The following POM121C variants were observed in gnomAD, a reference collection of about 807,000 sequenced individuals.
POM121C encodes the protein POM121 transmembrane nucleoporin C.
In POM121C, 20 loss-of-function variants were observed where a neutral mutation model predicts 66.4. That is an observed-to-expected ratio of 0.30 (90% CI 0.21 to 0.44). The LOEUF is 0.44. Among genes scored for constraint, POM121C ranks in the 20% least tolerant of loss-of-function variants. The pLI is 1.00. For missense variants in POM121C, 580 were observed against 1,225.7 expected (o/e 0.47, Z 7.87); for synonymous variants, 286 against 528.0 (o/e 0.54, Z 6.28).
At chr7:75,463,049 G>A (rs1476071196) in intron 3 of POM121C, among the ~76,000 whole-genome samples, 1 of 152,138 alleles carries the variant, frequency 6.6e-6, no homozygotes, top group Non-Finnish European at 1.5e-5. Flanking sequence ...TGGGCCGGGT[G>A]CGGTGGCTCA....
At chr7:75,471,699 A>G (rs1791885004) in intron 3 of POM121C, among the ~76,000 whole-genome samples, 1 of 152,026 alleles carries the variant, frequency 6.6e-6, no homozygotes, top group African/African-American at 2.4e-5. Flanking sequence ...GTAAGTAGGG[A>G]TGAAGATGGC....
intron 7 of POM121C, among the ~76,000 whole-genome samples, chr7:75,436,469 T>C (rs1254783532): frequency 6.6e-5 from 10 of 152,234 alleles, no homozygotes; most frequent in Non-Finnish European, 1.2e-4. Flanking sequence ...TAACTAGATA[T>C]TAAATAATAT....
intron 3 of POM121C, among the ~76,000 whole-genome samples, chr7:75,467,682 A>C (rs1791707241): frequency 6.6e-6 from 1 of 152,152 alleles, no homozygotes; most frequent in Non-Finnish European, 1.5e-5. Flanking sequence ...CACTTTATTC[A>C]AATACACATT....
chr7:75,480,467 CA>C (rs1554479958), intron 1 of POM121C, among the ~76,000 whole-genome samples: 1 of 151,920 alleles, frequency 6.6e-6, no homozygotes, highest in Non-Finnish European at 1.5e-5. Flanking sequence ...TACACCTGAA[CA>C]ACACAACCAA....
intron 3 of POM121C, among the ~76,000 whole-genome samples, chr7:75,452,819 C>A (rs1205818889): frequency 6.6e-6 from 1 of 152,218 alleles, no homozygotes; most frequent in Non-Finnish European, 1.5e-5. Context: ...CTCATCTCTT[C>A]ACCCTCTTCC....
chr7:75,421,636 A>C lies in POM121C; in HGVS notation c.2616T>G (p.Ser872Arg), dbSNP rs1554470655. Residue 872 changes from serine to arginine, a missense_variant, in exon 13 of 15, where the codon AGT (serine) becomes AGG (arginine). By Grantham distance (110) the Ser-to-Arg change is moderately radical (BLOSUM62 -1). Coordinates refer to ENST00000615331, the MANE Select transcript of POM121C (RefSeq NM_001099415.3). ...TGAFSFGAGQ[S>R]GSTATSTPFT... ...AGGGGGTGGAGGTGGCTGTGCTCCC[A>C]CTCTGTCCTGCTCCAAAGCTGAAAG... 6.2e-7 allele frequency: 1 copy of C among 1,613,254 alleles called. No homozygotes were observed. The highest frequency in any genetic ancestry group is 8.5e-7 in the Non-Finnish European group (1 of 1,179,746).
At chr7:75,424,657 C>T in intron 10 of POM121C, 29 bp from the exon 11 acceptor site, 3 of 1,612,796 alleles carry the variant, frequency 1.9e-6, no homozygotes, top group Non-Finnish European at 2.5e-6. Flanking sequence ...AGAAGTCAGG[C>T]CAATCAGAAA....
intron 13 of POM121C, chr7:75,421,186 G>C (rs1789692241): frequency 3.4e-6 from 2 of 593,164 alleles, no homozygotes; most frequent in African/African-American, 3.9e-5. Context: ...AAGTTGCCCA[G>C]GCTGGTCTTG....
chr7:75,479,340 G>A (rs1339144331), intron 1 of POM121C, among the ~76,000 whole-genome samples: 1 of 152,200 alleles, frequency 6.6e-6, no homozygotes, highest in African/African-American at 2.4e-5. Flanking sequence ...CCTGGGCCAA[G>A]TGTGGTGGCT....
intron 1 of POM121C, among the ~76,000 whole-genome samples, chr7:75,482,646 C>T (rs200822217): frequency 6.6e-6 from 1 of 151,974 alleles, no homozygotes; most frequent in Admixed American, 6.6e-5. Context: ...GTTGTGATCA[C>T]GTCTCTACAC....
chr7:75,470,566 C>G (rs1297883502), intron 3 of POM121C, among the ~76,000 whole-genome samples: 2 of 152,042 alleles, frequency 1.3e-5, no homozygotes, highest in African/African-American at 4.8e-5. Context: ...TCAAGCAATC[C>G]TCTTTTACCT....
intron 3 of POM121C, among the ~76,000 whole-genome samples, chr7:75,462,157 G>A (rs1271216071): frequency 1.4e-5 from 2 of 146,906 alleles, no homozygotes; most frequent in Non-Finnish European, 3.0e-5. Context: ...AAGGTGACTG[G>A]ATCACGGGCG....
chr7:75,468,447 A>C (rs1177255596), intron 3 of POM121C, among the ~76,000 whole-genome samples: 2 of 150,128 alleles, frequency 1.3e-5, no homozygotes, highest in African/African-American at 4.9e-5. Flanking sequence ...CCTCCTGAGT[A>C]CCTGGGATTA....
chr7:75,485,441 C>T (rs1792487802), intron 1 of POM121C, among the ~76,000 whole-genome samples: 3 of 152,184 alleles, frequency 2.0e-5, no homozygotes, highest in Non-Finnish European at 4.4e-5. Context: ...CCCCTAGCAA[C>T]TGAGGCAGCA....
Position 75,421,531 on chromosome 7 carries a change from A to G in POM121C, c.2721T>C (p.Thr907=), listed in dbSNP as rs1420816987. 6.2e-7 allele frequency: 1 copy of G among 1,610,924 alleles called. No individual in the cohort carries two copies. The highest frequency in any genetic ancestry group is 8.5e-7 in the Non-Finnish European group (1 of 1,179,652). ...TPFAFNVGST[T]ESKPVFGGTA... is the part of the protein sequence containing the mutation. ...TACCTCCAAACACAGGTTTGCTCTC[A>G]GTTGTGCTGCCCACGTTGAAGGCAA... Residue 907 remains threonine (T), a synonymous_variant, in exon 13 of 15, where the codon ACT becomes ACC. Transcript: ENST00000615331.
chr7:75,456,215 G>A (rs1447937386), intron 3 of POM121C, among the ~76,000 whole-genome samples: 1 of 151,936 alleles, frequency 6.6e-6, no homozygotes, highest in Non-Finnish European at 1.5e-5. Context: ...CTCCAGCCTG[G>A]GTGACAGAGT....
chr7:75,483,508 G>A (rs1157298100), intron 1 of POM121C, among the ~76,000 whole-genome samples: 13 of 152,088 alleles, frequency 8.5e-5, no homozygotes, highest in Non-Finnish European at 1.3e-4. Context: ...AGTTTCCTGA[G>A]GACTCCTCAG....
intron 1 of POM121C, among the ~76,000 whole-genome samples, chr7:75,478,100 G>C (rs1431388037): frequency 2.0e-5 from 3 of 152,122 alleles, no homozygotes; most frequent in African/African-American, 7.2e-5. Context: ...CCGAGTAGCT[G>C]GGATTACAGG....
At chr7:75,449,604 G>A (rs1295494709) in intron 3 of POM121C, among the ~76,000 whole-genome samples, 3 of 152,132 alleles carry the variant, frequency 2.0e-5, no homozygotes, top group Non-Finnish European at 2.9e-5. Context: ...CTGACCTCGT[G>A]TTCCACCCAC....
Sources: allele counts gnomAD v4.1 joint callset (sites outside exome capture counted in the v4.1 genomes callset), GRCh38; gene constraint gnomAD v4.1.1; transcripts MANE v1.5; gene names NCBI Gene and HGNC (gene_info 2026-07-23, HGNC 2026-07-21).